Variants in NLRC5 observed in about 807,000 individuals in gnomAD.
NLRC5 encodes the protein protein NLRC5.
In NLRC5, 114 loss-of-function variants were observed where a neutral mutation model predicts 206.9. That is an observed-to-expected ratio of 0.55 (90% confidence interval 0.47 to 0.64). The LOEUF (loss-of-function observed/expected upper bound fraction) is 0.64. NLRC5 is among the 30% of genes least tolerant of loss of function. The pLI is 0.00. For missense variants in NLRC5, 2,008 were observed against 2,305.5 expected (o/e 0.87, Z 2.64); for synonymous variants, 952 against 962.8 (o/e 0.99, Z 0.21).
rs1388265935 is a variant in NLRC5, at chr16:57,029,865, T to A, written c.2327+9T>A. On this transcript the variant is annotated intron_variant, in intron 9 of 48. Coordinates refer to ENST00000688547, the MANE Select transcript of NLRC5 (RefSeq NM_001384950.1). ...CGGCTCCGGAAGCTTGAGTAAGTGA[T>A]CTTTCCACTGCCTCTGCAGCCCAGT... The A allele has an allele frequency of 3.7e-6, 6 of 1,612,948 alleles. No individual in the cohort carries two copies. Among genetic ancestry groups the A allele is most frequent in the Non-Finnish European group, 5.1e-6 (6 of 1,179,008 alleles).
intron 1 of NLRC5, among the ~76,000 whole-genome samples, chr16:57,001,647 T>C (rs2058272290): frequency 6.6e-6 from 1 of 152,224 alleles, no homozygotes; most frequent in Admixed American, 6.5e-5. Context: ...GTGTATATAT[T>C]TATGGGTTAC....
intron 5 of NLRC5, 29 bp downstream of exon 5, chr16:57,023,882 A>G (rs2060958912): frequency 6.3e-7 from 1 of 1,590,406 alleles, no homozygotes. Context: ...AGGAACATAA[A>G]CAGAGAGATG....
intron 14 of NLRC5, 94 bp from the exon 15 acceptor site, chr16:57,037,101 C>T: frequency 9.7e-7 from 1 of 1,027,748 alleles, no homozygotes; most frequent in Non-Finnish European, 1.5e-6. Context: ...GAGTGACAGC[C>T]AGCAAGCTGC....
chr16:57,069,540 G>A lies in NLRC5; in HGVS notation c.4500-296G>A, dbSNP rs112187965. ...TATTTGCTTTAAAGATGCAGAGTTT[G>A]TAATAAACAACAGTAACTAGCTAAA... On this transcript the variant is annotated intron_variant, in intron 36 of 48. Transcript: ENST00000688547. 1.9e-4 allele frequency among the ~76,000 whole-genome samples: 29 copies of A among 152,350 alleles called. No individual in the cohort carries two copies. In the East Asian group the frequency reaches 2.7e-3, roughly 14 times the overall value.
Position 57,039,796 on chromosome 16 carries a change from T to C in NLRC5, c.2817T>C (p.Thr939=). 1 of 1,614,158 alleles carries C rather than the reference T, an allele frequency of 6.2e-7. No homozygotes were observed. The highest frequency in any genetic ancestry group is 8.5e-7 in the Non-Finnish European group (1 of 1,180,012). Residue 939 remains threonine (T), a synonymous_variant, in exon 16 of 49, where the codon ACT becomes ACC. Transcript: ENST00000688547. ...AELHISLQHK[T]VIFMFAQEPE... Reference sequence around the variant, plus strand: ...GTCTTCACAGCCTGCAGCACAAAACTGTGATCTTCATGTTTGCCCAGGAGC... The same window carrying C: ...GTCTTCACAGCCTGCAGCACAAAACCGTGATCTTCATGTTTGCCCAGGAGC...
intron 23 of NLRC5, among the ~76,000 whole-genome samples, chr16:57,050,736 C>A (rs2064780621): frequency 6.6e-6 from 1 of 152,170 alleles, no homozygotes; most frequent in African/African-American, 2.4e-5. Context: ...GCTGGTTGGT[C>A]TGGTGTTAAT....
chr16:57,055,549 G>A (rs549300408), intron 27 of NLRC5, 30 bp downstream of exon 27: 1 of 1,579,688 alleles, frequency 6.3e-7, no homozygotes, highest in East Asian at 2.2e-5. Context: ...GGAAGGAGAG[G>A]AGCATGGACG....
At chr16:57,015,320 A>G (rs1268981436) in intron 1 of NLRC5, among the ~76,000 whole-genome samples, 1 of 152,178 alleles carries the variant, frequency 6.6e-6, no homozygotes, top group Non-Finnish European at 1.5e-5. Context: ...TCCAAATACC[A>G]TCACACTGGG....
At chr16:56,998,666 G>A (rs1369897043) in intron 1 of NLRC5, among the ~76,000 whole-genome samples, 1 of 152,140 alleles carries the variant, frequency 6.6e-6, no homozygotes, top group Non-Finnish European at 1.5e-5. Context: ...TGCTATTATC[G>A]ACCTGTGGGA....
intron 23 of NLRC5, among the ~76,000 whole-genome samples, chr16:57,049,733 CAAATAAAT>C (rs141407636): frequency 0.024 from 3,447 of 145,258 alleles, 59 homozygotes; most frequent in African/African-American, 0.055. Flanking sequence ...GACTCTGTCT[CAAATAAAT>C]AAATAAATAA....
rs775715527 is a variant in NLRC5 at position 57,025,760 on chromosome 16, C to T, written c.817C>T (p.Pro273Ser). Reference sequence around the variant, plus strand: ...CAACTTGATCACGAGGTTCCTGACACCGTCCGAGCTCCTTTTTGATCTGTA... The same window carrying T: ...CAACTTGATCACGAGGTTCCTGACATCGTCCGAGCTCCTTTTTGATCTGTA... ...QLNLITRFLTPSELLFDLYLS... is the reference protein window; with the variant it reads ...QLNLITRFLTSSELLFDLYLS... The change falls in exon 6 of 49, where the codon CCG (proline) becomes TCG (serine). Residue 273 changes from proline (P) to serine (S), a missense_variant. Physicochemically the swap from Pro to Ser is moderately conservative, Grantham distance 74 (BLOSUM62 -1). Coordinates refer to ENST00000688547, the MANE Select transcript of NLRC5 (RefSeq NM_001384950.1). 1 of 1,614,198 alleles carries T rather than the reference C, an allele frequency of 6.2e-7. No individual in the cohort carries two copies.
At chr16:57,038,552 C>T (rs1254348857) in intron 15 of NLRC5, among the ~76,000 whole-genome samples, 1 of 151,670 alleles carries the variant, frequency 6.6e-6, no homozygotes, top group Non-Finnish European at 1.5e-5. Context: ...ACCACTGCAC[C>T]AGGCCAAACA....
chr16:57,030,011 A>T lies in NLRC5; in HGVS notation c.2344A>T (p.Ile782Phe). Reference protein sequence around the residue: ...LRKLDLSSNSICVSTLLCLAR... With the variant: ...LRKLDLSSNSFCVSTLLCLAR... ...ATCTTGCAGCCTGAGCAGCAACAGC[A>T]TCTGCGTGTCAACCCTACTCTGCTT... Residue 782 changes from isoleucine (I) to phenylalanine (F), a missense_variant, in exon 10 of 49, where the codon ATC becomes TTC. Ile to Phe is a conservative substitution (Grantham distance 21). Coordinates refer to ENST00000688547, the MANE Select transcript of NLRC5 (RefSeq NM_001384950.1). The T allele has an allele frequency of 6.2e-7, 1 of 1,614,142 alleles. No individual in the cohort carries two copies. Among genetic ancestry groups the T allele is most frequent in the Non-Finnish European group, 8.5e-7 (1 of 1,180,030 alleles).
intron 33 of NLRC5, 40 bp from the exon 34 acceptor site, chr16:57,066,494 A>G: frequency 2.5e-6 from 4 of 1,589,294 alleles, no homozygotes; most frequent in Non-Finnish European, 3.5e-6. Context: ...CCTCCGGGGA[A>G]GGCTGCCCGA....
chr16:57,019,200 A>AG (rs1407595355), intron 2 of NLRC5, among the ~76,000 whole-genome samples: 1 of 152,214 alleles, frequency 6.6e-6, no homozygotes, highest in Non-Finnish European at 1.5e-5. Flanking sequence ...GTTTGAGCCC[A>AG]GCCTGGCCAA....
rs766900266 is a variant in NLRC5 at position 57,054,834 on chromosome 16, A to T, written c.3590A>T (p.Asp1197Val). ...CTGTGTCCACGGGTTAAAAAGGTGG[A>T]TCTCAGGTGGGCATTCCCCTGGGAC... ...LSLCPRVKKV[D>V]LRSLHHATLH... Residue 1197 changes from aspartate (D) to valine (V), a missense_variant, in exon 25 of 49, where the codon GAT becomes GTT. Physicochemically the swap from Asp to Val is radical, Grantham distance 152. Coordinates refer to ENST00000688547, the MANE Select transcript of NLRC5 (RefSeq NM_001384950.1). The T allele has an allele frequency of 1.9e-6, 3 of 1,614,174 alleles. No individual in the cohort carries two copies. The highest frequency in any genetic ancestry group is 1.1e-5 in the South Asian group (1 of 91,080).
intron 36 of NLRC5, among the ~76,000 whole-genome samples, chr16:57,068,677 T>C (rs922817906): frequency 3.9e-5 from 6 of 152,252 alleles, no homozygotes; most frequent in African/African-American, 1.4e-4. Context: ...AATGTGACAT[T>C]GATACACTAC....
intron 19 of NLRC5, 41 bp from the exon 20 acceptor site, chr16:57,043,471 TGGG>T: frequency 5.5e-6 from 8 of 1,450,514 alleles, no homozygotes; most frequent in Non-Finnish European, 7.8e-6. Context: ...AGGATGTGTT[TGGG>T]TCCTGAGTGA....
At position 57,026,863 on chromosome 16, in the gene NLRC5, C is replaced by T; in HGVS notation, c.1920C>T (p.Pro640=). The change falls in exon 6 of 49, where the codon CCC becomes CCT. Residue 640 remains proline (P), a synonymous_variant. Transcript: ENST00000688547. The part of the protein sequence containing the change: ...LTAQSLPYQL[P]FHNFPLTCTD... ...CACAAAGCCTCCCCTATCAACTGCCCTTCCACAATTTCCCACTGACCTGCA... is the reference window on the plus strand; with the variant it reads ...CACAAAGCCTCCCCTATCAACTGCCTTTCCACAATTTCCCACTGACCTGCA... 1 of 1,614,228 alleles carries T rather than the reference C, an allele frequency of 6.2e-7. No individual in the cohort carries two copies. The highest frequency in any genetic ancestry group is 1.1e-5 in the South Asian group (1 of 91,090).
Sources: gnomAD v4.1 joint callset for allele counts (sites outside exome capture counted in the v4.1 genomes callset) on GRCh38, gnomAD v4.1.1 for gene constraint, MANE v1.5 for transcripts, NCBI Gene and HGNC (gene_info 2026-07-23, HGNC 2026-07-21) for gene names.